Variants in EXOG observed in about 807,000 individuals in gnomAD.
EXOG encodes the protein exo/endonuclease G.
A neutral mutation model predicts 25.8 loss-of-function variants in EXOG; 27 were observed. The observed-to-expected ratio is 1.05, with a 90% CI of 0.77 to 1.45. The LOEUF (loss-of-function observed/expected upper bound fraction) is 1.45, where lower values mean the gene tolerates loss of function less well. Ranked by LOEUF, EXOG falls within the 40% of genes most tolerant of loss-of-function variation. EXOG has a pLI of 0.00. For missense variants in EXOG, 458 were observed against 450.5 expected (o/e 1.02, Z -0.15); for synonymous variants, 133 against 167.0 (o/e 0.80, Z 1.57).
chr3:38,496,775 G>T, intron 1 of EXOG: 4 of 1,357,886 alleles, frequency 2.9e-6, no homozygotes, highest in East Asian at 3.0e-5. Context: ...CACCCCCGCC[G>T]CCCGACTTTC....
chr3:38,512,149 A>G (rs565736588), intron 5 of EXOG, among the ~76,000 whole-genome samples: 8 of 152,340 alleles, frequency 5.3e-5, no homozygotes, highest in African/African-American at 1.7e-4. Flanking sequence ...AGATACTTAC[A>G]TTAAACACGG....
At chr3:38,500,992 G>A (rs935172564) in intron 2 of EXOG, among the ~76,000 whole-genome samples, 1 of 152,088 alleles carries the variant, frequency 6.6e-6, no homozygotes, top group Non-Finnish European at 1.5e-5. Flanking sequence ...ACAATACATG[G>A]GAGTCTTTTT....
At chr3:38,513,656 C>CAAATATAT (rs2125784079) in intron 5 of EXOG, 2 of 152,048 alleles carry the variant, frequency 1.3e-5, no homozygotes, top group Non-Finnish European at 2.9e-5. Context: ...TCTTGGAGCC[C>CAAATATAT]TCTGACTTTC....
Position 38,496,585 on chromosome 3 carries a change from C to T in EXOG, c.163+55C>T. 1.9e-6 allele frequency: 3 copies of T among 1,571,334 alleles called. No homozygotes were observed. In the South Asian group the frequency reaches 3.5e-5, roughly 18 times the overall value. On this transcript the variant is annotated intron_variant, in intron 1 of 5. Transcript: ENST00000287675. ...TGGCCCAGATTTCGGGCTCCGACTC[C>T]TACCTGGAGTGTGAATGGCAGTCCT...
intron 4 of EXOG, among the ~76,000 whole-genome samples, chr3:38,506,512 A>T (rs1358816443): frequency 6.6e-6 from 1 of 152,236 alleles, no homozygotes; most frequent in African/African-American, 2.4e-5. Flanking sequence ...AATAAAGTAT[A>T]TCATCTTGTT....
rs747152507 is a variant in EXOG at position 38,503,599 on chromosome 3, GT to G, written c.454-13del. On this transcript the variant is annotated splice_polypyrimidine_tract_variant and intron_variant, in intron 3 of 5. Coordinates refer to ENST00000287675, the MANE Select transcript of EXOG (RefSeq NM_005107.4). ...AAAGCATTTCAGTGCAAGTTACTAT[GT>G]TTCTTTCTTTACAGAAAGCCATGGC... is the stretch of plus-strand genomic sequence containing the variant. The G allele has an allele frequency of 2.0e-6, 3 of 1,485,732 alleles. No individual in the cohort carries two copies. In the African/African-American group the frequency reaches 4.2e-5, roughly 21 times the overall value. 92.0% of individuals were successfully genotyped at this position (1,485,732 alleles called of 1,614,324 possible). A position where few individuals can be genotyped will look rare whatever the true frequency, so the allele number is the denominator to read the frequency against.
At chr3:38,504,315 G>T (rs1368425868) in intron 4 of EXOG, among the ~76,000 whole-genome samples, 1 of 151,802 alleles carries the variant, frequency 6.6e-6, no homozygotes, top group Non-Finnish European at 1.5e-5. Flanking sequence ...ATAGTGAGCG[G>T]TGATTGTGCC....
rs1345007608 is a variant in EXOG, at chr3:38,525,888, G to A, written c.*1526G>A. The A allele has an allele frequency of 4.1e-6, 3 of 737,894 alleles. No homozygotes were observed. Among genetic ancestry groups the A allele is most frequent in the Non-Finnish European group, 5.0e-6 (3 of 604,178 alleles). The allele number at this position is 737,894 out of a possible 1,614,324, so 45.7% of individuals were successfully genotyped here. ...GAGCCTGGCAGGTCAAGGCTGCGAT[G>A]GGACATGGTCATGCCACTGGACGCC... On this transcript the variant is annotated 3_prime_UTR_variant, in exon 6 of 6. Coordinates refer to ENST00000287675, the MANE Select transcript of EXOG (RefSeq NM_005107.4).
intron 4 of EXOG, among the ~76,000 whole-genome samples, chr3:38,504,054 C>G (rs189650409): frequency 6.6e-6 from 1 of 152,082 alleles, no homozygotes; most frequent in East Asian, 1.9e-4. Flanking sequence ...TTTAAAAAAA[C>G]AGTTTTGTAT....
chr3:38,524,531 C>T lies in EXOG; in HGVS notation c.*169C>T, dbSNP rs2060826535. The T allele has an allele frequency of 5.3e-6, 7 of 1,318,302 alleles. No individual in the cohort carries two copies. The allele number at this position is 1,318,302 out of a possible 1,614,324, so 81.7% of individuals were successfully genotyped here. A position where few individuals can be genotyped will look rare whatever the true frequency, so the allele number is the denominator to read the frequency against. ...AGTGCAGTGGTGGAATCATAGCTCACTATAGCCTCAAACTTCTGGGCTTAA... is the reference window on the plus strand; with the variant it reads ...AGTGCAGTGGTGGAATCATAGCTCATTATAGCCTCAAACTTCTGGGCTTAA... On this transcript the variant is annotated 3_prime_UTR_variant, in exon 6 of 6. Transcript: ENST00000287675.
intron 1 of EXOG, chr3:38,496,838 C>G: frequency 2.9e-6 from 4 of 1,359,728 alleles, no homozygotes; most frequent in Non-Finnish European, 3.9e-6. Flanking sequence ...GTGTTCTCTA[C>G]TAAGATTGTT....
chr3:38,508,557 C>T (rs1413124366), intron 5 of EXOG, among the ~76,000 whole-genome samples: 1 of 152,006 alleles, frequency 6.6e-6, no homozygotes, highest in East Asian at 1.9e-4. Flanking sequence ...TAAAAAGAAG[C>T]ACTGAAGGAC....
In EXOG at chr3:38,497,570, T is replaced by TTG. The variant is rs944908958; in HGVS notation, c.164-47_164-46dup. The TTG allele has an allele frequency of 3.3e-6, 5 of 1,508,660 alleles. No individual in the cohort carries two copies. In the South Asian group the frequency reaches 3.9e-5, roughly 12 times the overall value. The allele number at this position is 1,508,660 out of a possible 1,614,324, so 93.5% of individuals were successfully genotyped here. On this transcript the variant is annotated intron_variant, in intron 1 of 5. Transcript: ENST00000287675. ...ATCTTTCATTATTAAGAGCCACTAA[T>TTG]TGTGTGTGTGTGTTTTTTTTGTCTC... is the stretch of plus-strand genomic sequence containing the variant.
At chr3:38,500,934 T>TC (rs1257279158) in intron 2 of EXOG, among the ~76,000 whole-genome samples, 1 of 152,210 alleles carries the variant, frequency 6.6e-6, no homozygotes, top group Admixed American at 6.5e-5. Flanking sequence ...TCTATATATA[T>TC]CCATTATTTC....
rs952195856 is a variant in EXOG, at chr3:38,525,592, A to G, written c.*1230A>G. On this transcript the variant is annotated 3_prime_UTR_variant, in exon 6 of 6. Transcript: ENST00000287675. ...TTCTTTTAGTGACCAGATACTGCCA[A>G]ATTGATGTGTTCTTGCTTTCCAGGT... The G allele has an allele frequency of 1.0e-6, 1 of 985,218 alleles. No individual in the cohort carries two copies. The highest frequency in any genetic ancestry group is 1.7e-5 in the African/African-American group (1 of 57,196). The allele number at this position is 985,218 out of a possible 1,614,324, so 61.0% of individuals were successfully genotyped here.
chr3:38,524,152 T>A lies in EXOG; in HGVS notation c.897T>A (p.Cys299Ter). The change falls in exon 6 of 6, where the codon TGT becomes TGA. Residue 299 changes from cysteine to a stop codon, truncating the protein, a stop_gained. Transcript: ENST00000287675. LOFTEE classifies it low-confidence loss of function (END_TRUNC). ...GGAATATCTGCTCTGTGGACACCTG[T>A]AAGCTCCTGGATTTCCAGGAGTTCA... ...DIRNICSVDT[C>*]KLLDFQEFTL... The A allele has an allele frequency of 6.2e-7, 1 of 1,614,184 alleles. No homozygotes were observed. Among genetic ancestry groups the A allele is most frequent in the Non-Finnish European group, 8.5e-7 (1 of 1,179,996 alleles).
chr3:38,504,486 T>A lies in EXOG; in HGVS notation c.530+795T>A, dbSNP rs1424729132. Reference sequence around the variant, plus strand: ...AGTCTCACACTGTCGCCCGGGCTGGTGTGCAGTGGCACAATCTCGGCTCAC... The same window carrying A: ...AGTCTCACACTGTCGCCCGGGCTGGAGTGCAGTGGCACAATCTCGGCTCAC... On this transcript the variant is annotated intron_variant, in intron 4 of 5. Transcript: ENST00000287675. Among the ~76,000 whole-genome samples, 11 of 152,114 alleles carry A rather than the reference T, an allele frequency of 7.2e-5. 1 individual carries two copies. The highest frequency in any genetic ancestry group is 2.0e-4 in the Admixed American group (3 of 15,272).
At chr3:38,523,081 A>G (rs2060770950) in intron 5 of EXOG, 1 of 502,246 alleles carries the variant, frequency 2.0e-6, no homozygotes, top group South Asian at 1.6e-5. Context: ...TGGAGATGGT[A>G]ATGTTGACTT....
chr3:38,518,604 T>G (rs909865658), intron 5 of EXOG, among the ~76,000 whole-genome samples: 2 of 152,204 alleles, frequency 1.3e-5, no homozygotes, highest in Non-Finnish European at 2.9e-5. Context: ...AACTATACTC[T>G]GAACCTTATT....
Sources: gnomAD v4.1 joint callset for allele counts (sites outside exome capture counted in the v4.1 genomes callset) on GRCh38, gnomAD v4.1.1 for gene constraint, MANE v1.5 for transcripts, NCBI Gene and HGNC (gene_info 2026-07-23, HGNC 2026-07-21) for gene names.